The following AUTS2 variants were observed in gnomAD, a reference collection of about 807,000 sequenced individuals.
AUTS2 encodes autism susceptibility gene 2 protein.
A neutral mutation model predicts 112.4 loss-of-function variants in AUTS2; 17 were observed. The observed-to-expected ratio is 0.15, with a 90% confidence interval of 0.10 to 0.23. The LOEUF (loss-of-function observed/expected upper bound fraction) is 0.23. Among genes scored for constraint, AUTS2 ranks in the 10% least tolerant of loss-of-function variants. AUTS2 has a pLI of 1.00. For missense variants in AUTS2, 1,510 were observed against 1,701.6 expected (o/e 0.89, Z 1.98); for synonymous variants, 751 against 702.7 (o/e 1.07, Z -1.09).
intron 1 of AUTS2, among the ~76,000 whole-genome samples, chr7:69,813,012 C>T (rs907465393): frequency 6.6e-6 from 1 of 152,126 alleles, no homozygotes; most frequent in Non-Finnish European, 1.5e-5. Flanking sequence ...CTCCAGAGTG[C>T]CTCCCATTTC....
intron 3 of AUTS2, among the ~76,000 whole-genome samples, chr7:70,131,760 GGAT>G (rs1806283992): frequency 6.6e-6 from 1 of 151,920 alleles, no homozygotes; most frequent in South Asian, 2.1e-4. Context: ...TGGGCCTTTT[GGAT>G]GCGAGACCTC....
chr7:69,879,385 A>G (rs562367119), intron 1 of AUTS2, among the ~76,000 whole-genome samples: 1 of 151,786 alleles, frequency 6.6e-6, no homozygotes, highest in African/African-American at 2.4e-5. Flanking sequence ...CCTGGGCTCA[A>G]GTCATCCACT....
chr7:70,570,263 A>C (rs1464521711), intron 5 of AUTS2, among the ~76,000 whole-genome samples: 1 of 152,212 alleles, frequency 6.6e-6, no homozygotes, highest in African/African-American at 2.4e-5. Flanking sequence ...TTGTCAGCTC[A>C]GATGATTGGA....
intron 5 of AUTS2, among the ~76,000 whole-genome samples, chr7:70,682,997 A>G (rs1299764053): frequency 2.0e-5 from 3 of 152,250 alleles, no homozygotes; most frequent in East Asian, 1.9e-4. Context: ...AATCTCCAGC[A>G]TATCACTTCC....
At chr7:70,590,503 T>C (rs980584787) in intron 5 of AUTS2, among the ~76,000 whole-genome samples, 1 of 152,220 alleles carries the variant, frequency 6.6e-6, no homozygotes, top group Non-Finnish European at 1.5e-5. Flanking sequence ...GAAGCAGCTC[T>C]GAGGATCTGT....
At chr7:70,374,512 G>A (rs536786633) in intron 4 of AUTS2, among the ~76,000 whole-genome samples, 6 of 152,184 alleles carry the variant, frequency 3.9e-5, no homozygotes, top group Non-Finnish European at 5.9e-5. Context: ...AAACAAACTT[G>A]CAGTCAATTG....
chr7:70,595,698 A>G (rs1803162919), intron 5 of AUTS2, among the ~76,000 whole-genome samples: 1 of 152,192 alleles, frequency 6.6e-6, no homozygotes. Context: ...ATGAAGTTGG[A>G]GTAGATACTT....
chr7:69,994,742 A>G (rs1798873379), intron 2 of AUTS2, among the ~76,000 whole-genome samples: 1 of 152,180 alleles, frequency 6.6e-6, no homozygotes, highest in Non-Finnish European at 1.5e-5. Context: ...GTCTTCAGGT[A>G]GGCTCCCCAG....
At chr7:69,610,996 G>T (rs555515282) in intron 1 of AUTS2, among the ~76,000 whole-genome samples, 1 of 152,292 alleles carries the variant, frequency 6.6e-6, no homozygotes, top group South Asian at 2.1e-4. Context: ...ATGAACTGAT[G>T]AAATATCCTT....
intron 5 of AUTS2, among the ~76,000 whole-genome samples, chr7:70,575,290 C>T (rs1393741802): frequency 6.6e-6 from 1 of 152,158 alleles, no homozygotes; most frequent in Non-Finnish European, 1.5e-5. Flanking sequence ...CTGCCAGCCA[C>T]TAATGAGCAG....
chr7:70,741,050 C>T (rs774932243), intron 6 of AUTS2, among the ~76,000 whole-genome samples: 1 of 151,284 alleles, frequency 6.6e-6, no homozygotes, highest in Non-Finnish European at 1.5e-5. Flanking sequence ...GCTGAGATCG[C>T]ACCACCACAC....
At chr7:70,639,443 C>A (rs1297817685) in intron 5 of AUTS2, among the ~76,000 whole-genome samples, 2 of 151,412 alleles carry the variant, frequency 1.3e-5, no homozygotes, top group South Asian at 2.1e-4. Context: ...TAGGAACACC[C>A]TATCTTTACC....
intron 2 of AUTS2, among the ~76,000 whole-genome samples, chr7:70,103,647 C>T (rs1431546206): frequency 6.6e-6 from 1 of 152,072 alleles, no homozygotes; most frequent in Non-Finnish European, 1.5e-5. Context: ...TGGCTCACGC[C>T]TGTAATCCCA....
At chr7:70,640,642 G>A (rs981370064) in intron 5 of AUTS2, among the ~76,000 whole-genome samples, 2 of 152,056 alleles carry the variant, frequency 1.3e-5, no homozygotes, top group African/African-American at 4.8e-5. Flanking sequence ...ATTGATACCA[G>A]TGGTGCTTGT....
chr7:70,027,429 G>C (rs1444612607), intron 2 of AUTS2, among the ~76,000 whole-genome samples: 1 of 151,966 alleles, frequency 6.6e-6, no homozygotes, highest in Non-Finnish European at 1.5e-5. Flanking sequence ...TGTTTCCTTG[G>C]GTTTGCCTCC....
intron 2 of AUTS2, among the ~76,000 whole-genome samples, chr7:70,040,606 A>G (rs2129557716): frequency 1.3e-5 from 2 of 152,288 alleles, no homozygotes; most frequent in South Asian, 4.1e-4. Flanking sequence ...CTAAGATCTA[A>G]TTCCTTCTGC....
At chr7:70,426,039 CAG>C (rs1211178402) in intron 4 of AUTS2, among the ~76,000 whole-genome samples, 3 of 152,186 alleles carry the variant, frequency 2.0e-5, no homozygotes, top group African/African-American at 7.2e-5. Context: ...AACTGAAGCA[CAG>C]AGAGGTTAAG....
chr7:69,644,946 G>A (rs1008282062), intron 1 of AUTS2, among the ~76,000 whole-genome samples: 2 of 152,020 alleles, frequency 1.3e-5, no homozygotes, highest in African/African-American at 4.8e-5. Context: ...GTCTTGCTCT[G>A]TGCCCAGACT....
At chr7:70,273,667 T>C (rs9784944) in intron 4 of AUTS2, among the ~76,000 whole-genome samples, 4,118 of 152,138 alleles carry the variant, frequency 0.027, 112 homozygotes, top group African/African-American at 0.068. Flanking sequence ...AGGGAATTGG[T>C]TCCAGTACCC....
Sources: gnomAD v4.1 joint callset for allele counts (sites outside exome capture counted in the v4.1 genomes callset) on GRCh38, gnomAD v4.1.1 for gene constraint, MANE v1.5 for transcripts, NCBI Gene and HGNC (gene_info 2026-07-23, HGNC 2026-07-21) for gene names.